GALNT14: variants seen among roughly 807,000 people sequenced by gnomAD.
GALNT14 encodes the protein UDP-GalNAc:polypeptide N-acetylgalactosaminyltransferase 14.
A neutral mutation model predicts 77.5 loss-of-function variants in GALNT14; 60 were observed. The observed-to-expected ratio is 0.77, with a 90% CI of 0.63 to 0.96. The LOEUF is 0.96. Ranked by LOEUF, GALNT14 falls within the 40% of genes least tolerant of loss-of-function variation. The probability of loss-of-function intolerance (pLI) is 0.00; values close to 1 mark genes in which losing one functional copy is unlikely to be tolerated. For missense variants in GALNT14, 710 were observed against 731.0 expected, an observed-to-expected ratio of 0.97 and a Z score of 0.33; for synonymous variants, 280 against 281.7, an observed-to-expected ratio of 0.99 and a Z score of 0.06.
intron 1 of GALNT14, among the ~76,000 whole-genome samples, chr2:31,082,312 G>T (rs1324508576): frequency 6.6e-6 from 1 of 152,226 alleles, no homozygotes. Context: ...AGACAGAAAG[G>T]CCAAGTCTCC....
At chr2:30,893,165 G>C in the GALNT14 span, among the ~76,000 whole-genome samples, 1 of 152,132 alleles carries the variant, frequency 6.6e-6, no homozygotes, top group Non-Finnish European at 1.5e-5. Flanking sequence ...ACACAAATTA[G>C]AGATTGGAGA....
At chr2:31,132,073 T>G (rs778231651) in intron 1 of GALNT14, among the ~76,000 whole-genome samples, 6 of 152,086 alleles carry the variant, frequency 3.9e-5, no homozygotes, top group Admixed American at 1.3e-4. Flanking sequence ...TAAAAGAGAT[T>G]CCATCTGCAG....
intron 1 of GALNT14, among the ~76,000 whole-genome samples, chr2:31,077,186 T>A (rs1358079297): frequency 1.3e-5 from 2 of 152,120 alleles, no homozygotes; most frequent in Non-Finnish European, 2.9e-5. Flanking sequence ...GTAAAACAGG[T>A]ACAAAGAGGT....
chr2:31,051,155 T>C (rs907357871), intron 1 of GALNT14, among the ~76,000 whole-genome samples: 1 of 152,176 alleles, frequency 6.6e-6, no homozygotes, highest in African/African-American at 2.4e-5. Flanking sequence ...CTTGGCCCTC[T>C]CCTCATGCAG....
intron 1 of GALNT14, among the ~76,000 whole-genome samples, chr2:31,089,722 A>G (rs1553375822): frequency 6.6e-6 from 1 of 152,128 alleles, no homozygotes; most frequent in Non-Finnish European, 1.5e-5. Context: ...TTTTAATGAA[A>G]CAAAAAGCAC....
intron 2 of GALNT14, among the ~76,000 whole-genome samples, chr2:30,967,246 T>G (rs1668066977): frequency 6.6e-6 from 1 of 152,182 alleles, no homozygotes; most frequent in African/African-American, 2.4e-5. Context: ...CCTCTGAAAT[T>G]GTTTGCAAAC....
chr2:31,058,318 G>A (rs549133637), intron 1 of GALNT14, among the ~76,000 whole-genome samples: 30 of 152,062 alleles, frequency 2.0e-4, no homozygotes, highest in Admixed American at 1.1e-3. Context: ...TGGGCTGGGC[G>A]AATTAGGTGG....
chr2:31,042,826 C>G (rs970589533), intron 1 of GALNT14, among the ~76,000 whole-genome samples: 1 of 152,208 alleles, frequency 6.6e-6, no homozygotes, highest in Non-Finnish European at 1.5e-5. Flanking sequence ...TAATAAGTCT[C>G]CCTCCTTCCT....
At chr2:31,015,721 T>C (rs1671311129) in intron 1 of GALNT14, among the ~76,000 whole-genome samples, 1 of 152,200 alleles carries the variant, frequency 6.6e-6, no homozygotes, top group Non-Finnish European at 1.5e-5. Flanking sequence ...CAAAAACACG[T>C]AGCTTCAGTC....
chr2:31,006,246 A>C (rs999297846), intron 1 of GALNT14, among the ~76,000 whole-genome samples: 1 of 152,130 alleles, frequency 6.6e-6, no homozygotes, highest in African/African-American at 2.4e-5. Context: ...GAGAGAAATA[A>C]AGATGGGAAG....
the GALNT14 span, among the ~76,000 whole-genome samples, chr2:30,897,237 C>T: frequency 2.6e-5 from 4 of 152,190 alleles, no homozygotes; most frequent in Non-Finnish European, 5.9e-5. Flanking sequence ...CCTCCTAGGA[C>T]GCAGCTGGGC....
intron 11 of GALNT14, among the ~76,000 whole-genome samples, chr2:30,928,790 T>C (rs1484625744): frequency 6.6e-6 from 1 of 152,038 alleles, no homozygotes; most frequent in African/African-American, 2.4e-5. Context: ...CTAATTTTTG[T>C]ATTTTTAGTA....
intron 1 of GALNT14, among the ~76,000 whole-genome samples, chr2:31,033,668 G>A (rs955036210): frequency 6.6e-6 from 1 of 152,012 alleles, no homozygotes; most frequent in African/African-American, 2.4e-5. Context: ...TGGCCTGCCT[G>A]CATCCCTAAC....
At chr2:30,934,703 C>A (rs1033756604) in intron 9 of GALNT14, among the ~76,000 whole-genome samples, 6 of 152,182 alleles carry the variant, frequency 3.9e-5, no homozygotes, top group Admixed American at 2.0e-4. Context: ...CCTGATCCTT[C>A]TCTACCTTCC....
At chr2:31,134,918 A>T (rs972803629) in intron 1 of GALNT14, among the ~76,000 whole-genome samples, 3 of 152,222 alleles carry the variant, frequency 2.0e-5, no homozygotes, top group African/African-American at 7.2e-5. Flanking sequence ...CCTTAATGTC[A>T]TCTGCATAAA....
At chr2:31,108,354 A>G (rs554814478) in intron 1 of GALNT14, among the ~76,000 whole-genome samples, 1 of 152,368 alleles carries the variant, frequency 6.6e-6, no homozygotes, top group Admixed American at 6.5e-5. Context: ...TAAGGAACGT[A>G]TGAATGAAGT....
chr2:30,914,473 T>G (rs1392179452), intron 13 of GALNT14, among the ~76,000 whole-genome samples: 1 of 152,130 alleles, frequency 6.6e-6, no homozygotes, highest in African/African-American at 2.4e-5. Context: ...AATGACAACC[T>G]TTATGAAAAG....
At chr2:30,892,127 G>C in the GALNT14 span, among the ~76,000 whole-genome samples, 1 of 152,288 alleles carries the variant, frequency 6.6e-6, no homozygotes, top group East Asian at 1.9e-4. Context: ...ATTTGCAGTT[G>C]TTTTAGTGTC....
intron 1 of GALNT14, among the ~76,000 whole-genome samples, chr2:31,091,280 G>A (rs1158240152): frequency 2.6e-5 from 4 of 152,200 alleles, no homozygotes; most frequent in Non-Finnish European, 5.9e-5. Flanking sequence ...AAAATTATAT[G>A]AAATTCAATT....
Sources: allele counts gnomAD v4.1 joint callset (sites outside exome capture counted in the v4.1 genomes callset), GRCh38; gene constraint gnomAD v4.1.1; transcripts MANE v1.5; gene names NCBI Gene and HGNC (gene_info 2026-07-23, HGNC 2026-07-21).